Variants in MARCHF8 observed in about 807,000 individuals in gnomAD.
The protein encoded by MARCHF8 is E3 ubiquitin-protein ligase MARCHF8.
Under a neutral mutation model 51.6 loss-of-function variants are expected in MARCHF8, and 40 were observed. That is an observed-to-expected ratio of 0.77 (90% CI 0.60 to 1.01). The LOEUF (loss-of-function observed/expected upper bound fraction) is 1.01, where lower values mean the gene tolerates loss of function less well. Ranked by LOEUF, MARCHF8 falls within the 50% of genes least tolerant of loss-of-function variation. The probability of loss-of-function intolerance (pLI) is 0.00; values close to 1 mark genes in which losing one functional copy is unlikely to be tolerated. For synonymous variants in MARCHF8, 263 were observed against 280.3 expected (o/e 0.94, Z 0.62); for missense variants, 685 against 708.6 (o/e 0.97, Z 0.38).
chr10:45,531,001 C>A (rs567901592), intron 2 of MARCHF8, among the ~76,000 whole-genome samples: 3 of 152,144 alleles, frequency 2.0e-5, no homozygotes, highest in Admixed American at 6.5e-5. Context: ...GAAAAACACA[C>A]TAGACGGAAT....
chr10:45,559,696 C>T (rs1194199195), intron 1 of MARCHF8, among the ~76,000 whole-genome samples: 1 of 152,032 alleles, frequency 6.6e-6, no homozygotes, highest in African/African-American at 2.4e-5. Flanking sequence ...TAACTGGAAA[C>T]CTGCAATTCC....
intron 1 of MARCHF8, among the ~76,000 whole-genome samples, chr10:45,576,424 T>A (rs143432367): frequency 1.3e-5 from 2 of 152,250 alleles, no homozygotes; most frequent in South Asian, 4.1e-4. Flanking sequence ...ATACAGCATA[T>A]CTTTGCACAG....
At position 45,463,689 on chromosome 10, in the gene MARCHF8, A is replaced by C; in HGVS notation, c.550T>G (p.Leu184Val). The C allele has an allele frequency of 6.4e-7, 1 of 1,550,876 alleles. No individual in the cohort carries two copies. The highest frequency in any genetic ancestry group is 2.4e-5 in the East Asian group (1 of 40,930). ...AGACACGTATCTTGAGGGAGTATTA[A>C]TTTCCCTTCAGAACAAGTTCTTTCC... ...YVERTCSEGKLILPQDTCLRT... is the reference protein window; with the variant it reads ...YVERTCSEGKVILPQDTCLRT... Residue 184 changes from leucine to valine, a missense_variant, in exon 5 of 8, where the codon TTA becomes GTA. By Grantham distance (32) the Leu-to-Val change is conservative (BLOSUM62 1). Coordinates refer to ENST00000453424, the MANE Select transcript of MARCHF8 (RefSeq NM_001282866.2).
At chr10:45,459,339 G>A (rs1842715296) in intron 6 of MARCHF8, 72 bp from the exon 7 acceptor site, 4 of 1,510,160 alleles carry the variant, frequency 2.6e-6, no homozygotes, top group East Asian at 2.4e-5. Context: ...AGCATTGTAG[G>A]TAGGTAAGAT....
In MARCHF8 at chr10:45,463,966, G is replaced by C. The variant is rs1367912205; in HGVS notation, c.273C>G (p.His91Gln). ...CAACAGCAGACTGCACGGAACTGTG[G>C]TGACAACACTCAGAAAACACTGCAC... ...SSSAVFSECC[H>Q]HSSVQSAVVS... is the part of the protein sequence containing the mutation. Residue 91 changes from histidine (H) to glutamine (Q), a missense_variant, in exon 5 of 8, where the codon CAC becomes CAG. Physicochemically the swap from His to Gln is conservative, Grantham distance 24. Transcript: ENST00000453424. The C allele has an allele frequency of 2.0e-6, 3 of 1,535,878 alleles. No homozygotes were observed. Among genetic ancestry groups the C allele is most frequent in the East Asian group, 4.9e-5 (2 of 40,920 alleles).
At chr10:45,556,604 T>C (rs1256141936) in intron 1 of MARCHF8, among the ~76,000 whole-genome samples, 1 of 152,230 alleles carries the variant, frequency 6.6e-6, no homozygotes, top group Non-Finnish European at 1.5e-5. Context: ...TAATAAAATG[T>C]TAATGGCATA....
intron 1 of MARCHF8, among the ~76,000 whole-genome samples, chr10:45,580,596 T>C (rs1024647386): frequency 6.6e-6 from 1 of 152,214 alleles, no homozygotes; most frequent in Admixed American, 6.5e-5. Context: ...AAAATGTATC[T>C]AGCTATTTAA....
chr10:45,548,085 C>T (rs2044148779), intron 1 of MARCHF8, among the ~76,000 whole-genome samples: 1 of 152,204 alleles, frequency 6.6e-6, no homozygotes, highest in South Asian at 2.1e-4. Context: ...TTTTCCAACA[C>T]ATAACCTCAG....
intron 3 of MARCHF8, among the ~76,000 whole-genome samples, chr10:45,473,178 GGCAACA>G (rs1194500260): frequency 6.6e-6 from 1 of 152,142 alleles, no homozygotes; most frequent in East Asian, 1.9e-4. Context: ...CCTGTCTAAT[GGCAACA>G]ATAACCGGAA....
chr10:45,489,845 G>C (rs1475339392), intron 2 of MARCHF8, among the ~76,000 whole-genome samples: 2 of 152,138 alleles, frequency 1.3e-5, no homozygotes, highest in African/African-American at 4.8e-5. Context: ...GCGAAAGAGT[G>C]AAGAAAGTAG....
intron 1 of MARCHF8, among the ~76,000 whole-genome samples, chr10:45,556,492 G>A (rs1196237238): frequency 2.0e-5 from 3 of 152,228 alleles, no homozygotes; most frequent in Non-Finnish European, 4.4e-5. Flanking sequence ...CCAGGCACAA[G>A]GCGGTTCACG....
At chr10:45,534,667 T>C (rs1290373545) in intron 1 of MARCHF8, among the ~76,000 whole-genome samples, 3 of 152,092 alleles carry the variant, frequency 2.0e-5, no homozygotes, top group Non-Finnish European at 4.4e-5. Flanking sequence ...AATTTGGAGA[T>C]TTTCATTTAT....
At chr10:45,469,832 T>TCCA (rs1301063689) in intron 3 of MARCHF8, among the ~76,000 whole-genome samples, 99 of 109,680 alleles carry the variant, frequency 9.0e-4, no homozygotes, top group African/African-American at 3.1e-3. Context: ...GCCACTGCAC[T>TCCA]CCAGCCTGGG....
chr10:45,490,553 C>T (rs1043840011), intron 2 of MARCHF8, among the ~76,000 whole-genome samples: 2 of 152,102 alleles, frequency 1.3e-5, no homozygotes, highest in Non-Finnish European at 2.9e-5. Flanking sequence ...GTTTAAGCCA[C>T]CTTCCGTATG....
Position 45,551,895 on chromosome 10 carries a change from T to C in MARCHF8, c.-78-18606A>G, listed in dbSNP as rs1388823505. Among the ~76,000 whole-genome samples, 3 of 152,080 alleles carry C rather than the reference T, an allele frequency of 2.0e-5. No homozygotes were observed. The East Asian group carries it at 5.8e-4, about 29-fold the overall frequency. Reference sequence around the variant, plus strand: ...CACACACCCTATTGGTTTTGTTTCTTTGCAGAACTCTGACTGATACAATAT... The same window carrying C: ...CACACACCCTATTGGTTTTGTTTCTCTGCAGAACTCTGACTGATACAATAT... On this transcript the variant is annotated intron_variant, in intron 1 of 6. Transcript: ENST00000319836.
At chr10:45,560,657 T>G (rs1002022296) in intron 1 of MARCHF8, among the ~76,000 whole-genome samples, 4 of 152,226 alleles carry the variant, frequency 2.6e-5, no homozygotes, top group Admixed American at 6.5e-5. Flanking sequence ...ATTGGATACC[T>G]GCATGTGAGT....
At chr10:45,543,878 A>C (rs539300672) in intron 1 of MARCHF8, among the ~76,000 whole-genome samples, 1 of 152,048 alleles carries the variant, frequency 6.6e-6, no homozygotes, top group African/African-American at 2.4e-5. Flanking sequence ...ATTTTAAAAT[A>C]AGCAAAATAC....
At chr10:45,550,017 C>T (rs537205606) in intron 1 of MARCHF8, among the ~76,000 whole-genome samples, 1 of 152,328 alleles carries the variant, frequency 6.6e-6, no homozygotes, top group African/African-American at 2.4e-5. Flanking sequence ...TGAAGTCATA[C>T]TGCAAACAGG....
intron 3 of MARCHF8, among the ~76,000 whole-genome samples, chr10:45,482,795 C>A (rs778564619): frequency 6.6e-6 from 1 of 152,102 alleles, no homozygotes; most frequent in Admixed American, 6.6e-5. Context: ...AACCCAGATA[C>A]ACAGAACAAT....
Sources: allele counts gnomAD v4.1 joint callset (sites outside exome capture counted in the v4.1 genomes callset), GRCh38; gene constraint gnomAD v4.1.1; transcripts MANE v1.5; gene names NCBI Gene and HGNC (gene_info 2026-07-23, HGNC 2026-07-21).